Variants in RASGRF2 observed in about 807,000 individuals in gnomAD.
RASGRF2 encodes the protein Ras protein specific guanine nucleotide releasing factor 2, also known as ras-specific guanine nucleotide-releasing factor 2.
RASGRF2 carries 76 observed loss-of-function variants against 151.0 expected under a neutral mutation model. The ratio of observed to expected loss-of-function variants is 0.50; its 90% CI spans 0.42 to 0.61. The LOEUF (loss-of-function observed/expected upper bound fraction) is 0.61, where lower values mean the gene tolerates loss of function less well. Ranked by LOEUF, RASGRF2 falls within the 20% of genes least tolerant of loss-of-function variation. The pLI, the probability that RASGRF2 is intolerant of heterozygous loss-of-function variation, is 0.00. For missense variants in RASGRF2, 1,148 were observed against 1,564.6 expected (o/e 0.73, Z 4.49); for synonymous variants, 504 against 566.5 (o/e 0.89, Z 1.57).
intron 19 of RASGRF2, among the ~76,000 whole-genome samples, chr5:81,205,861 C>T (rs1755494089): frequency 1.3e-5 from 2 of 152,178 alleles, no homozygotes; most frequent in African/African-American, 2.4e-5. Flanking sequence ...CGCCATTCTC[C>T]TGCCTCAGCC....
intron 17 of RASGRF2, among the ~76,000 whole-genome samples, chr5:81,127,923 C>CAAAAAAAAA (rs60196392): frequency 3.4e-4 from 22 of 64,868 alleles, no homozygotes; most frequent in African/African-American, 6.0e-4. Flanking sequence ...GACTCCGTCT[C>CAAAAAAAAA]AAAAAAAAAA....
intron 5 of RASGRF2, among the ~76,000 whole-genome samples, chr5:81,076,224 G>A (rs1490840433): frequency 6.6e-6 from 1 of 152,174 alleles, no homozygotes; most frequent in Non-Finnish European, 1.5e-5. Context: ...AAATTCTTTT[G>A]AGAAGGGCTG....
At chr5:81,189,711 C>T (rs1302636172) in intron 18 of RASGRF2, among the ~76,000 whole-genome samples, 5 of 120,860 alleles carry the variant, frequency 4.1e-5, no homozygotes, top group South Asian at 2.7e-4. Flanking sequence ...GGCCTATATA[C>T]TTTTTTTTTT....
intron 26 of RASGRF2, among the ~76,000 whole-genome samples, chr5:81,222,322 A>C (rs184995610): frequency 6.6e-6 from 1 of 152,250 alleles, no homozygotes; most frequent in African/African-American, 2.4e-5. Context: ...TTATCTGTAA[A>C]TTCCCTCTCC....
At chr5:81,190,272 T>C (rs549217734) in intron 18 of RASGRF2, among the ~76,000 whole-genome samples, 99 of 152,322 alleles carry the variant, frequency 6.5e-4, no homozygotes, top group Non-Finnish European at 1.1e-3. Context: ...ACCCTTATCT[T>C]TACGGCAGTG....
intron 19 of RASGRF2, among the ~76,000 whole-genome samples, chr5:81,205,326 C>T (rs1293026390): frequency 1.3e-5 from 2 of 152,104 alleles, no homozygotes; most frequent in African/African-American, 2.4e-5. Flanking sequence ...TTAAGAGAAG[C>T]GCAGAGTAAA....
rs1295271063 is a variant in RASGRF2 at position 81,227,482 on chromosome 5, TA to T, written c.*1715del. ...TTATGGATGCTTTCTTTTTCTTTTT[TA>T]AAGTTGCTTGTTTGTTCTCTTTAGT... On this transcript the variant is annotated 3_prime_UTR_variant, in exon 27 of 27. Transcript: ENST00000265080. 1 of 152,242 alleles carries T rather than the reference TA, an allele frequency of 6.6e-6. No individual in the cohort carries two copies. The highest frequency in any genetic ancestry group is 1.5e-5 in the Non-Finnish European group (1 of 68,040). 9.4% of individuals were successfully genotyped at this position (152,242 alleles called of 1,614,324 possible).
Position 81,091,561 on chromosome 5 carries a change from G to A in RASGRF2, c.1391-1240G>A, listed in dbSNP as rs1330126924. On this transcript the variant is annotated intron_variant, in intron 9 of 26. Transcript: ENST00000265080. ...GTGAGATCCAGGCGTGGAAACTTGG[G>A]TCTCTTGCCACCCTGTACACCTTTC... Among the ~76,000 whole-genome samples the A allele has an allele frequency of 2.6e-5, 4 of 152,252 alleles. No homozygotes were observed. In the South Asian group the frequency reaches 6.2e-4, roughly 24 times the overall value.
chr5:81,091,441 C>T (rs1752385811), intron 9 of RASGRF2, among the ~76,000 whole-genome samples: 1 of 152,138 alleles, frequency 6.6e-6, no homozygotes, highest in Non-Finnish European at 1.5e-5. Context: ...ACACCCTCAC[C>T]CAGGACTTCT....
chr5:81,094,162 C>T, intron 10 of RASGRF2, 134 bp from the exon 11 acceptor site: 1 of 649,934 alleles, frequency 1.5e-6, no homozygotes, highest in Non-Finnish European at 2.5e-6. Flanking sequence ...ATTTTGGGCT[C>T]TATGAAAAAT....
At chr5:81,008,956 A>G (rs745332528) in intron 1 of RASGRF2, among the ~76,000 whole-genome samples, 2 of 152,216 alleles carry the variant, frequency 1.3e-5, no homozygotes, top group Non-Finnish European at 2.9e-5. Context: ...TAGAACTTCA[A>G]GTCAGAGTCC....
At chr5:81,040,725 G>A (rs1216219081) in intron 1 of RASGRF2, among the ~76,000 whole-genome samples, 4 of 152,150 alleles carry the variant, frequency 2.6e-5, no homozygotes, top group Non-Finnish European at 5.9e-5. Flanking sequence ...CTACACCTGA[G>A]GATTCCTTTT....
chr5:80,963,563 G>A (rs1047392799), intron 1 of RASGRF2, among the ~76,000 whole-genome samples: 22 of 152,222 alleles, frequency 1.4e-4, no homozygotes, highest in Admixed American at 1.4e-3. Flanking sequence ...ATGACAGACA[G>A]GGTGAGCTTT....
intron 2 of RASGRF2, among the ~76,000 whole-genome samples, chr5:81,044,273 C>T (rs892298622): frequency 3.7e-4 from 56 of 152,070 alleles, no homozygotes; most frequent in African/African-American, 1.2e-3. Flanking sequence ...TAAAAATTAG[C>T]CGGGCATGGT....
intron 15 of RASGRF2, among the ~76,000 whole-genome samples, chr5:81,114,217 G>A (rs1753087357): frequency 6.6e-6 from 1 of 152,206 alleles, no homozygotes; most frequent in Non-Finnish European, 1.5e-5. Flanking sequence ...CTTGGAATTT[G>A]GTTAAGACTG....
intron 17 of RASGRF2, among the ~76,000 whole-genome samples, chr5:81,145,099 G>C (rs545913640): frequency 1.6e-4 from 25 of 152,184 alleles, no homozygotes; most frequent in Admixed American, 8.5e-4. Context: ...AAAATTAGCT[G>C]GGTGTGGTGG....
At chr5:81,087,205 C>T in intron 9 of RASGRF2, 1 of 703,140 alleles carries the variant, frequency 1.4e-6, no homozygotes, top group East Asian at 2.7e-5. Context: ...GACGCTCCTC[C>T]TCAGCGGCCC....
intron 3 of RASGRF2, among the ~76,000 whole-genome samples, chr5:81,069,674 T>C (rs927579437): frequency 5.3e-5 from 8 of 152,188 alleles, no homozygotes; most frequent in African/African-American, 1.9e-4. Flanking sequence ...TTTTCCCACC[T>C]CCTTGCCAGA....
chr5:81,180,352 G>A (rs1293074909), intron 18 of RASGRF2, 71 bp downstream of exon 18: 2 of 907,874 alleles, frequency 2.2e-6, no homozygotes, highest in Non-Finnish European at 3.7e-6. Context: ...TGTGACACAT[G>A]TAAAACACCT....
Sources: gnomAD v4.1 joint callset for allele counts (sites outside exome capture counted in the v4.1 genomes callset) on GRCh38, gnomAD v4.1.1 for gene constraint, MANE v1.5 for transcripts, NCBI Gene and HGNC (gene_info 2026-07-23, HGNC 2026-07-21) for gene names.